The following PUS1 variants were observed in gnomAD, a reference collection of about 807,000 sequenced individuals.
The protein encoded by PUS1 is pseudouridine synthase 1, also known as pseudouridylate synthase 1 homolog.
A neutral mutation model predicts 38.5 loss-of-function variants in PUS1; 25 were observed. The observed-to-expected ratio is 0.65, with a 90% confidence interval of 0.47 to 0.91. The LOEUF is 0.91. Ranked by LOEUF, PUS1 falls within the 40% of genes least tolerant of loss-of-function variation. The probability of loss-of-function intolerance (pLI) is 0.00; values close to 1 mark genes in which losing one functional copy is unlikely to be tolerated. For synonymous variants in PUS1, 282 were observed against 260.4 expected (o/e 1.08, Z -0.80); for missense variants, 597 against 612.3 (o/e 0.97, Z 0.26).
At position 131,931,905 on chromosome 12, in the gene PUS1, G is replaced by A. The variant is rs932825182; in HGVS notation, c.304-270G>A. On this transcript the variant is annotated intron_variant, in intron 2 of 5. Coordinates refer to ENST00000376649, the MANE Select transcript of PUS1 (RefSeq NM_025215.6). The stretch of plus-strand genomic sequence containing the variant: ...CACGGCACTGATTTTGTAACTGACA[G>A]ATTGTGGAAGTAGGTGTATGCACAG... The A allele has an allele frequency of 2.8e-5, 17 of 600,968 alleles. No individual in the cohort carries two copies. The South Asian group carries it at 3.0e-4, about 11-fold the overall frequency. 37.2% of individuals were successfully genotyped at this position (600,968 alleles called of 1,614,324 possible). A position where few individuals can be genotyped will look rare whatever the true frequency, so the allele number is the denominator to read the frequency against.
chr12:131,943,418 C>T, intron 5 of PUS1, 121 bp from the exon 6 acceptor site: 1 of 827,756 alleles, frequency 1.2e-6, no homozygotes, highest in Non-Finnish European at 2.1e-6. Flanking sequence ...AGACTCTGCT[C>T]CTGATGAGGG....
intron 3 of PUS1, among the ~76,000 whole-genome samples, chr12:131,938,716 CT>C (rs11289903): frequency 0.94 from 111,403 of 118,030 alleles, 52,575 homozygotes; most frequent in South Asian, 0.98. Context: ...ATTTTCATAT[CT>C]TTTTTTTTTT....
At chr12:131,942,026 A>G (rs1460056658) in intron 5 of PUS1, 43 bp downstream of exon 5, 1 of 1,532,058 alleles carries the variant, frequency 6.5e-7, no homozygotes, top group South Asian at 1.2e-5. Context: ...ACACAGGCCC[A>G]CATTGTTCCC....
intron 3 of PUS1, among the ~76,000 whole-genome samples, chr12:131,937,279 T>A (rs1317285732): frequency 2.0e-5 from 3 of 152,232 alleles, no homozygotes; most frequent in Non-Finnish European, 2.9e-5. Flanking sequence ...ATGATTCTTA[T>A]GTGGGTGCCA....
At chr12:131,938,299 G>A (rs1425488275) in intron 3 of PUS1, among the ~76,000 whole-genome samples, 4 of 152,180 alleles carry the variant, frequency 2.6e-5, no homozygotes, top group African/African-American at 9.6e-5. Context: ...TTGAAAACTA[G>A]CCAGGCATCG....
In PUS1 at chr12:131,941,162, C is replaced by G; in HGVS notation, c.545-130C>G. The G allele has an allele frequency of 3.8e-6, 3 of 781,548 alleles. 1 individual carries two copies. The South Asian group carries it at 4.7e-5, about 12-fold the overall frequency. 48.4% of individuals were successfully genotyped at this position (781,548 alleles called of 1,614,324 possible). On this transcript the variant is annotated intron_variant, in intron 4 of 5. Transcript: ENST00000376649. This position sits in a 1 kb window ranked among gnomAD's most constrained non-coding sequence, Gnocchi z 4.4. ...GTGGCTGCCCCCTCCCCAGAGAAGC[C>G]GATGCTTGCTGGAGCTTGGTCGGTG...
intron 2 of PUS1, chr12:131,931,590 T>C (rs1890605037): frequency 6.5e-6 from 1 of 154,380 alleles, no homozygotes; most frequent in African/African-American, 2.4e-5. Flanking sequence ...AGTTTTCCTC[T>C]GTCACCTAGG....
At chr12:131,938,318 G>A (rs781666722) in intron 3 of PUS1, among the ~76,000 whole-genome samples, 3 of 152,074 alleles carry the variant, frequency 2.0e-5, no homozygotes, top group Non-Finnish European at 4.4e-5. Flanking sequence ...CGTGGTGCCT[G>A]TCTGTAGTCT....
In PUS1 at chr12:131,930,025, C is replaced by A; in HGVS notation, c.193C>A (p.Pro65Thr). ...CCGCGTCTGGGAGGACGGAGAACAT[C>A]CGGCGAAGAAGCTCAAGAGCGGTGG... ...GDRVWEDGEHPAKKLKSGGDE... is the reference protein window; with the variant it reads ...GDRVWEDGEHTAKKLKSGGDE... Residue 65 changes from proline (P) to threonine (T), a missense_variant, in exon 2 of 6, where the codon CCG (proline) becomes ACG (threonine). By Grantham distance (38) the Pro-to-Thr change is conservative. Coordinates refer to ENST00000376649, the MANE Select transcript of PUS1 (RefSeq NM_025215.6). 6.8e-7 allele frequency: 1 copy of A among 1,472,388 alleles called. No individual in the cohort carries two copies. 91.2% of individuals were successfully genotyped at this position (1,472,388 alleles called of 1,614,324 possible).
intron 5 of PUS1, among the ~76,000 whole-genome samples, chr12:131,942,365 C>T (rs941060997): frequency 6.6e-6 from 1 of 152,034 alleles, no homozygotes; most frequent in Non-Finnish European, 1.5e-5. Flanking sequence ...CAGTTCTTCG[C>T]TCTGGGGTGA....
At chr12:131,935,537 T>C (rs1477046375) in intron 3 of PUS1, among the ~76,000 whole-genome samples, 2 of 152,304 alleles carry the variant, frequency 1.3e-5, no homozygotes, top group East Asian at 1.9e-4. Context: ...GTTATTTATT[T>C]ATTCATTTAT....
At position 131,939,728 on chromosome 12, in the gene PUS1, C is replaced by T. The variant is rs192410406; in HGVS notation, c.544+453C>T. Among the ~76,000 whole-genome samples the T allele has an allele frequency of 2.6e-4, 40 of 152,228 alleles. No individual in the cohort carries two copies. In the East Asian group the frequency reaches 7.4e-3, roughly 28 times the overall value. On this transcript the variant is annotated intron_variant, in intron 4 of 5. Coordinates refer to ENST00000376649, the MANE Select transcript of PUS1 (RefSeq NM_025215.6). ...GGAGTGCAGTGGTGCAATCATGGCT[C>T]ACTGCAGCCTCCGCCTCCCGGGTTC...
In PUS1 at chr12:131,945,400, C is replaced by A. The variant is rs1252012668; in HGVS notation, c.*1814C>A. The A allele has an allele frequency of 6.6e-6, 1 of 152,306 alleles. No individual in the cohort carries two copies. The highest frequency in any genetic ancestry group is 1.5e-5 in the Non-Finnish European group (1 of 68,090). The allele number at this position is 152,306 out of a possible 1,614,324, so 9.4% of individuals were successfully genotyped here. ...AGGGATGGATGAGCTGGGCCGTTAA[C>A]TGGAACGGGAGACAGGGAAAGGAAT... On this transcript the variant is annotated 3_prime_UTR_variant, in exon 6 of 6. Transcript: ENST00000376649.
rs1442048666 is a variant in PUS1, at chr12:131,944,426, A to G, written c.*840A>G. The G allele has an allele frequency of 6.6e-6, 1 of 152,244 alleles. No homozygotes were observed. The highest frequency in any genetic ancestry group is 1.5e-5 in the Non-Finnish European group (1 of 68,152). The allele number at this position is 152,244 out of a possible 1,614,324, so 9.4% of individuals were successfully genotyped here. On this transcript the variant is annotated 3_prime_UTR_variant, in exon 6 of 6. Transcript: ENST00000376649. ...CTACTTGGGAGGCTGAGGCAGGAGA[A>G]TCGCTTGAACCTGGGAGGTGGAGAT...
chr12:131,942,782 C>T (rs1020532564), intron 5 of PUS1, among the ~76,000 whole-genome samples: 4 of 152,336 alleles, frequency 2.6e-5, no homozygotes, highest in Non-Finnish European at 5.9e-5. Context: ...GAGATTCTTC[C>T]TGTCATCTAG....
chr12:131,939,308 G>A, intron 4 of PUS1, 33 bp downstream of exon 4: 1 of 1,324,332 alleles, frequency 7.6e-7, no homozygotes, highest in Non-Finnish European at 1.1e-6. Context: ...CCACACACCT[G>A]GTTGTAGATG....
chr12:131,943,751 G>A lies in PUS1; in HGVS notation c.*165G>A, dbSNP rs574509087. ...TTCCCTTGTAGGAACAGCCTTTCTC[G>A]AATCTGTTTTCAGCTCTTGCATTGC... On this transcript the variant is annotated 3_prime_UTR_variant, in exon 6 of 6. Coordinates refer to ENST00000376649, the MANE Select transcript of PUS1 (RefSeq NM_025215.6). The A allele has an allele frequency of 1.8e-5, 12 of 658,336 alleles. No homozygotes were observed. Among genetic ancestry groups the A allele is most frequent in the South Asian group, 3.1e-5 (2 of 64,096 alleles). The allele number at this position is 658,336 out of a possible 1,614,324, so 40.8% of individuals were successfully genotyped here.
intron 3 of PUS1, among the ~76,000 whole-genome samples, chr12:131,938,857 G>T (rs1890944434): frequency 6.6e-6 from 1 of 152,018 alleles, no homozygotes; most frequent in East Asian, 1.9e-4. Context: ...AAGTAGCTGG[G>T]ACTACAGGCG....
chr12:131,943,421 G>A, intron 5 of PUS1, 118 bp from the exon 6 acceptor site: 1 of 836,992 alleles, frequency 1.2e-6, no homozygotes, highest in Non-Finnish European at 2.1e-6. Flanking sequence ...CTCTGCTCCT[G>A]ATGAGGGAGT....
Sources: allele counts gnomAD v4.1 joint callset (sites outside exome capture counted in the v4.1 genomes callset), GRCh38; gene constraint gnomAD v4.1.1; non-coding constraint Gnocchi (gnomAD v3.1); transcripts MANE v1.5; gene names NCBI Gene and HGNC (gene_info 2026-07-23, HGNC 2026-07-21).